Variants in ZNF678 observed in about 807,000 individuals in gnomAD.
The protein encoded by ZNF678 is hypothetical protein MGC42493.
A neutral mutation model predicts 3.0 loss-of-function variants in ZNF678; 5 were observed. That is an observed-to-expected ratio of 1.69 (90% CI 0.88 to 3.56). The LOEUF (loss-of-function observed/expected upper bound fraction) is 3.56. Among genes scored for constraint, ZNF678 ranks in the 30% most tolerant of loss-of-function variants. ZNF678 has a pLI of 0.00. For synonymous variants in ZNF678, 218 were observed against 199.6 expected (o/e 1.09, Z -0.78); for missense variants, 593 against 605.0 (o/e 0.98, Z 0.21).
rs139557154 is a variant in ZNF678, at chr1:227,638,530, C to T, written c.-163-8014C>T. On this transcript the variant is annotated intron_variant, in intron 1 of 3. Coordinates refer to ENST00000343776, the MANE Select transcript of ZNF678 (RefSeq NM_001367909.1). This position sits in a 1 kb window ranked among gnomAD's most constrained non-coding sequence, Gnocchi z 4.2. ...GTGGGCTCTTTAAGGGTAATGCAGA[C>T]GGTGGTGTGGTGTTTTGCGCCTAAA... is the stretch of plus-strand genomic sequence containing the variant. Among the ~76,000 whole-genome samples, 34 of 152,162 alleles carry T rather than the reference C, an allele frequency of 2.2e-4. No individual in the cohort carries two copies. Among genetic ancestry groups the T allele is most frequent in the Admixed American group, 1.7e-3 (26 of 15,292 alleles).
downstream of ZNF678, among the ~76,000 whole-genome samples, chr1:227,664,172 A>G (rs905287633): frequency 2.6e-5 from 4 of 152,194 alleles, no homozygotes. Context: ...GTGAGACCCT[A>G]TTTAAAAAAA....
chr1:227,639,189 G>A (rs1161736988), intron 1 of ZNF678, among the ~76,000 whole-genome samples: 1 of 152,182 alleles, frequency 6.6e-6, no homozygotes, highest in Non-Finnish European at 1.5e-5. Context: ...CTGGGTTTGG[G>A]CATTGTCTGG....
intron 2 of ZNF678, among the ~76,000 whole-genome samples, chr1:227,648,217 C>A (rs180898145): frequency 6.6e-6 from 1 of 152,022 alleles, no homozygotes; most frequent in African/African-American, 2.4e-5. Context: ...GATTGCTGAG[C>A]GTATATTAAA....
intron 1 of ZNF678, among the ~76,000 whole-genome samples, chr1:227,594,914 A>C (rs569673580): frequency 6.6e-6 from 1 of 151,942 alleles, no homozygotes; most frequent in African/African-American, 2.4e-5. Context: ...TCTAAAAGTT[A>C]TTTTTTTTAC....
At chr1:227,640,025 T>C (rs1658779793) in intron 1 of ZNF678, among the ~76,000 whole-genome samples, 1 of 152,066 alleles carries the variant, frequency 6.6e-6, no homozygotes, top group Non-Finnish European at 1.5e-5. Context: ...CTAGCACAGG[T>C]GCTGAAATAA....
chr1:227,649,410 G>C (rs1346445836), intron 2 of ZNF678, among the ~76,000 whole-genome samples: 1 of 152,212 alleles, frequency 6.6e-6, no homozygotes, highest in East Asian at 1.9e-4. Flanking sequence ...GAGTGCAATA[G>C]CATGATCTCA....
At position 227,655,729 on chromosome 1, in the gene ZNF678, A is replaced by C; in HGVS notation, c.1479A>C (p.Glu493Asp). ...GAGAGAAACGCTACAAATGTAAAGA[A>C]TGTGGAAAAGGTTTTTACCAATCCT... The part of the protein sequence containing the change: ...HTGEKRYKCK[E>D]CGKGFYQSSI... Residue 493 changes from glutamate to aspartate, a missense_variant, in exon 4 of 4, where the codon GAA (glutamate) becomes GAC (aspartate). Transcript: ENST00000343776. 1 of 1,612,594 alleles carries C rather than the reference A, an allele frequency of 6.2e-7. No individual in the cohort carries two copies. Among genetic ancestry groups the C allele is most frequent in the Non-Finnish European group, 8.5e-7 (1 of 1,179,110 alleles).
chr1:227,677,563 G>A (rs1405044676), downstream of ZNF678: 2 of 152,248 alleles, frequency 1.3e-5, no homozygotes, highest in Non-Finnish European at 2.9e-5. Context: ...GGTCAAAATG[G>A]AAACTGGCAG....
chr1:227,641,077 A>G (rs145018857), intron 1 of ZNF678, among the ~76,000 whole-genome samples: 33 of 152,372 alleles, frequency 2.2e-4, no homozygotes, highest in African/African-American at 7.5e-4. Context: ...GAAACTTACC[A>G]GTAGGCGAGA....
rs1012361978 is a variant in ZNF678, at chr1:227,576,607, A to G, written c.-164+12883A>G. Among the ~76,000 whole-genome samples the G allele has an allele frequency of 3.0e-4, 46 of 152,142 alleles. 1 individual carries two copies. Among genetic ancestry groups the G allele is most frequent in the African/African-American group, 1.1e-3 (44 of 41,496 alleles). Reference sequence around the variant, plus strand: ...GGTAATATCCCCCTTGTCGTTTTCTATTATATTTATTTGAATCTTCTCTCT... The same window carrying G: ...GGTAATATCCCCCTTGTCGTTTTCTGTTATATTTATTTGAATCTTCTCTCT... On this transcript the variant is annotated intron_variant, in intron 1 of 3. Coordinates refer to ENST00000343776, the MANE Select transcript of ZNF678 (RefSeq NM_001367909.1).
chr1:227,677,662 T>C (rs1452696047), downstream of ZNF678, among the ~76,000 whole-genome samples: 1 of 152,208 alleles, frequency 6.6e-6, no homozygotes, highest in African/African-American at 2.4e-5. Flanking sequence ...TGCCAGGTTT[T>C]AACTTGTGGG....
chr1:227,625,934 T>G (rs1223662916), intron 1 of ZNF678, among the ~76,000 whole-genome samples: 1 of 151,520 alleles, frequency 6.6e-6, no homozygotes, highest in Non-Finnish European at 1.5e-5. Context: ...ATGCAAAGAG[T>G]GGTAGAGTTA....
intron 1 of ZNF678, among the ~76,000 whole-genome samples, chr1:227,598,152 T>C (rs1657642562): frequency 6.6e-6 from 1 of 152,210 alleles, no homozygotes; most frequent in Admixed American, 6.5e-5. Context: ...CTAAAAGTAT[T>C]AATTTTATTC....
intron 1 of ZNF678, among the ~76,000 whole-genome samples, chr1:227,586,975 G>C (rs533912496): frequency 6.6e-6 from 1 of 152,182 alleles, no homozygotes; most frequent in African/African-American, 2.4e-5. Context: ...GCACCTAAAT[G>C]GCAGGATGAG....
intron 1 of ZNF678, among the ~76,000 whole-genome samples, chr1:227,620,150 C>T (rs1658244626): frequency 6.6e-6 from 1 of 152,128 alleles, no homozygotes; most frequent in South Asian, 2.1e-4. Flanking sequence ...TCATTCAGTA[C>T]CTAGGAGTGA....
At chr1:227,568,874 C>T (rs1347228276) in intron 1 of ZNF678, among the ~76,000 whole-genome samples, 1 of 152,160 alleles carries the variant, frequency 6.6e-6, no homozygotes, top group Admixed American at 6.5e-5. Context: ...CAGGAAACTC[C>T]ACACATCTGG....
chr1:227,616,748 T>G (rs1171953094), intron 1 of ZNF678, among the ~76,000 whole-genome samples: 1 of 152,206 alleles, frequency 6.6e-6, no homozygotes, highest in Admixed American at 6.6e-5. Flanking sequence ...CTGTCCATTT[T>G]TTGGTGGTGC....
intron 1 of ZNF678, among the ~76,000 whole-genome samples, chr1:227,614,983 C>T (rs147119195): frequency 1.5e-3 from 232 of 152,324 alleles, no homozygotes; most frequent in Non-Finnish European, 2.8e-3. Flanking sequence ...TTACACATTA[C>T]GCAGCCTTCA....
Position 227,658,910 on chromosome 1 carries a change from T to A in ZNF678, c.*3082T>A, listed in dbSNP as rs1338908116. On this transcript the variant is annotated 3_prime_UTR_variant, in exon 4 of 4. Coordinates refer to ENST00000343776, the MANE Select transcript of ZNF678 (RefSeq NM_001367909.1). ...AGCATTAATAATGGTAGGCTATATA[T>A]CATAATCACTATATAAAGAAACATC... The A allele has an allele frequency of 6.6e-6, 1 of 152,020 alleles. No individual in the cohort carries two copies. Among genetic ancestry groups the A allele is most frequent in the Non-Finnish European group, 1.5e-5 (1 of 67,964 alleles). 9.4% of individuals were successfully genotyped at this position (152,020 alleles called of 1,614,324 possible).
Sources: gnomAD v4.1 joint callset for allele counts (sites outside exome capture counted in the v4.1 genomes callset) on GRCh38, gnomAD v4.1.1 for gene constraint, Gnocchi (gnomAD v3.1) non-coding constraint, MANE v1.5 for transcripts, NCBI Gene and HGNC (gene_info 2026-07-23, HGNC 2026-07-21) for gene names.